Variants in RHEB observed in about 807,000 individuals in gnomAD.
The protein encoded by RHEB is Ras homolog, mTORC1 binding, also known as GTP-binding protein Rheb.
RHEB carries 2 observed loss-of-function variants against 28.8 expected under a neutral mutation model. That is an observed-to-expected ratio of 0.07 (90% CI 0.03 to 0.22). RHEB has a LOEUF of 0.22. Ranked by LOEUF, RHEB falls within the 10% of genes least tolerant of loss-of-function variation. The pLI is 1.00. For missense variants in RHEB, 76 were observed against 219.9 expected (o/e 0.35, Z 4.14); for synonymous variants, 69 against 77.3 (o/e 0.89, Z 0.56).
At chr7:151,517,340 C>T (rs1258323540) in intron 1 of RHEB, among the ~76,000 whole-genome samples, 1 of 148,690 alleles carries the variant, frequency 6.7e-6, no homozygotes, top group Admixed American at 6.8e-5. Flanking sequence ...TGCACTCCAG[C>T]CTGGGTCACA....
In RHEB at chr7:151,484,785, T is replaced by G. The variant is rs1554438032; in HGVS notation, c.144A>C (p.Thr48=). 6.2e-7 allele frequency: 1 copy of G among 1,612,634 alleles called. No homozygotes were observed. Residue 48 remains threonine, a synonymous_variant, in exon 3 of 8, where the codon ACA becomes ACC. Coordinates refer to ENST00000262187, the MANE Select transcript of RHEB (RefSeq NM_005614.4). ...TIENTFTKLI[T]VNGQEYHLQL... ...GAAGATGATATTCTTGTCCATTTAC[T>G]GTGATCAACTTTGTAAAAGCTACAG...
rs1802157738 is a variant in RHEB, at chr7:151,471,321, C to T, written c.380+73G>A. Reference sequence around the variant, plus strand: ...ATGCTACAGCTAAAAATATTCTTGACATCAGAACAATAATTAAAATGATAC... The same window carrying T: ...ATGCTACAGCTAAAAATATTCTTGATATCAGAACAATAATTAAAATGATAC... On this transcript the variant is annotated intron_variant, in intron 6 of 7. Coordinates refer to ENST00000262187, the MANE Select transcript of RHEB (RefSeq NM_005614.4). The T allele has an allele frequency of 5.0e-6, 5 of 990,492 alleles. No individual in the cohort carries two copies. The South Asian group carries it at 7.2e-5, about 14-fold the overall frequency. The allele number at this position is 990,492 out of a possible 1,614,324, so 61.4% of individuals were successfully genotyped here.
chr7:151,509,161 C>T lies in RHEB; in HGVS notation c.52+10299G>A, dbSNP rs189809732. On this transcript the variant is annotated intron_variant, in intron 1 of 7. Transcript: ENST00000262187. ...GGCAACGTGAGCGTGTGGGGCCACC[C>T]GGGCCCAGCAACCTCATTTGTCTCT... Among the ~76,000 whole-genome samples, 150 of 152,272 alleles carry T rather than the reference C, an allele frequency of 9.9e-4. 3 individuals carry two copies. The East Asian group carries it at 0.02, about 20-fold the overall frequency.
At chr7:151,505,807 C>A (rs1385114501) in intron 1 of RHEB, among the ~76,000 whole-genome samples, 3 of 152,162 alleles carry the variant, frequency 2.0e-5, no homozygotes, top group Non-Finnish European at 4.4e-5. Flanking sequence ...CAACAGAATA[C>A]CACTTTGCAA....
intron 1 of RHEB, among the ~76,000 whole-genome samples, chr7:151,518,781 A>C (rs1029166458): frequency 5.3e-5 from 8 of 152,182 alleles, no homozygotes; most frequent in African/African-American, 1.9e-4. Context: ...CCGAACAAAA[A>C]TAGGGCACCG....
intron 1 of RHEB, among the ~76,000 whole-genome samples, chr7:151,497,594 T>C (rs1563098029): frequency 6.6e-6 from 1 of 152,226 alleles, no homozygotes; most frequent in Non-Finnish European, 1.5e-5. Flanking sequence ...TTCTGAGCTA[T>C]GAGGACGGCA....
chr7:151,501,539 C>T (rs559549811), intron 1 of RHEB, among the ~76,000 whole-genome samples: 1 of 152,312 alleles, frequency 6.6e-6, no homozygotes, highest in East Asian at 1.9e-4. Flanking sequence ...AGTTCAGCAG[C>T]TTCTGAAAAG....
At chr7:151,516,096 G>A (rs565675002) in intron 1 of RHEB, among the ~76,000 whole-genome samples, 33 of 152,240 alleles carry the variant, frequency 2.2e-4, no homozygotes, top group African/African-American at 3.4e-4. Context: ...TAGAAATAAC[G>A]GAATGTCAGG....
intron 3 of RHEB, among the ~76,000 whole-genome samples, chr7:151,477,617 A>T (rs1342113234): frequency 6.6e-6 from 1 of 152,190 alleles, no homozygotes; most frequent in African/African-American, 2.4e-5. Flanking sequence ...TTTAAAAATG[A>T]CTAGCTGTTC....
chr7:151,481,172 C>T (rs922118819), intron 3 of RHEB, among the ~76,000 whole-genome samples: 52 of 151,210 alleles, frequency 3.4e-4, no homozygotes, highest in African/African-American at 1.1e-3. Context: ...CCCCAAAATT[C>T]ATTTAGGGTA....
intron 1 of RHEB, among the ~76,000 whole-genome samples, chr7:151,515,384 T>C (rs187366498): frequency 6.6e-6 from 1 of 152,308 alleles, no homozygotes; most frequent in Admixed American, 6.5e-5. Flanking sequence ...AGTTTCTTTT[T>C]GGGGTGATGA....
chr7:151,497,580 T>C (rs1460880090), intron 1 of RHEB, among the ~76,000 whole-genome samples: 1 of 152,228 alleles, frequency 6.6e-6, no homozygotes, highest in Non-Finnish European at 1.5e-5. Flanking sequence ...AGACATGCTA[T>C]GACTTCTGAG....
intron 3 of RHEB, among the ~76,000 whole-genome samples, chr7:151,478,909 A>G (rs1187681623): frequency 6.6e-6 from 1 of 151,862 alleles, no homozygotes; most frequent in Non-Finnish European, 1.5e-5. Context: ...TGCTGGGATT[A>G]CACGTGTGAG....
intron 3 of RHEB, among the ~76,000 whole-genome samples, chr7:151,483,740 A>T (rs1802419438): frequency 6.6e-6 from 1 of 152,172 alleles, no homozygotes; most frequent in Admixed American, 6.5e-5. Context: ...AGGAGTTAGG[A>T]GCTGAAATCC....
intron 1 of RHEB, among the ~76,000 whole-genome samples, chr7:151,491,502 G>A (rs1802580429): frequency 6.6e-6 from 1 of 152,206 alleles, no homozygotes; most frequent in South Asian, 2.1e-4. Context: ...TTGGGAGGCT[G>A]AGGCAGACGG....
intron 1 of RHEB, among the ~76,000 whole-genome samples, chr7:151,493,191 C>A (rs1802615475): frequency 6.6e-6 from 1 of 152,100 alleles, no homozygotes; most frequent in African/African-American, 2.4e-5. Context: ...CATCCCTGCT[C>A]TGGTTACCAC....
chr7:151,508,110 T>A lies in RHEB; in HGVS notation c.52+11350A>T, dbSNP rs150470922. ...TGAGTTTTCCTAGAACGGTGGCCAA[T>A]CTGGAGAGAAGACCTGGGATACAGG... On this transcript the variant is annotated intron_variant, in intron 1 of 7. Transcript: ENST00000262187. Among the ~76,000 whole-genome samples the A allele has an allele frequency of 7.7e-3, 1,170 of 152,260 alleles. 5 individuals are homozygous for A. Among genetic ancestry groups the A allele is most frequent in the South Asian group, 0.023 (111 of 4,822 alleles).
chr7:151,483,936 A>C (rs1019052858), intron 3 of RHEB, among the ~76,000 whole-genome samples: 5 of 152,160 alleles, frequency 3.3e-5, no homozygotes, highest in Non-Finnish European at 7.3e-5. Context: ...TCCATTCCAC[A>C]CATCCCTGCT....
intron 3 of RHEB, among the ~76,000 whole-genome samples, chr7:151,481,473 C>T (rs1802380975): frequency 6.6e-6 from 1 of 152,208 alleles, no homozygotes; most frequent in Admixed American, 6.5e-5. Flanking sequence ...TTTTACCCTA[C>T]TACTACCAGT....
Sources: allele counts gnomAD v4.1 joint callset (sites outside exome capture counted in the v4.1 genomes callset), GRCh38; gene constraint gnomAD v4.1.1; transcripts MANE v1.5; gene names NCBI Gene and HGNC (gene_info 2026-07-23, HGNC 2026-07-21).